The following H2BC12 variants were observed in gnomAD, a reference collection of about 807,000 sequenced individuals.
H2BC12 encodes the protein histone H2B type 1-K.
In H2BC12, 6 loss-of-function variants were observed where a neutral mutation model predicts 6.3. The observed-to-expected ratio is 0.95, with a 90% CI of 0.52 to 1.87. The LOEUF (loss-of-function observed/expected upper bound fraction) is 1.87. H2BC12 is among the 40% of genes most tolerant of loss of function. H2BC12 has a pLI of 0.01. For missense variants in H2BC12, 119 were observed against 178.4 expected (o/e 0.67, Z 1.90); for synonymous variants, 132 against 78.5 (o/e 1.68, Z -3.60).
downstream of H2BC12, among the ~76,000 whole-genome samples, chr6:27,143,185 C>T (rs113850979): frequency 2.1e-3 from 321 of 151,998 alleles, no homozygotes; most frequent in African/African-American, 6.2e-3. Context: ...AATCCCATCT[C>T]TACTAAAAAT....
downstream of H2BC12, among the ~76,000 whole-genome samples, chr6:27,143,270 T>C (rs1760029201): frequency 6.6e-6 from 1 of 152,054 alleles, no homozygotes; most frequent in African/African-American, 2.4e-5. Flanking sequence ...GATAATTGCT[T>C]GAACAAAGGA....
downstream of H2BC12, chr6:27,146,340 A>G (rs1760080092): frequency 1.3e-6 from 2 of 1,594,562 alleles, no homozygotes; most frequent in Non-Finnish European, 1.7e-6. Context: ...ACACGTGTTT[A>G]CAGCTCTAAT....
chr6:27,139,304 T>C, the H2BC12 span: 4 of 1,600,202 alleles, frequency 2.5e-6, no homozygotes, highest in Non-Finnish European at 2.6e-6. Flanking sequence ...TCTGACCACT[T>C]GATAATGTCA....
At chr6:27,141,680 G>A (rs1760008816), downstream of H2BC12, among the ~76,000 whole-genome samples, 1 of 152,086 alleles carries the variant, frequency 6.6e-6, no homozygotes. Flanking sequence ...TCAGTTTGTG[G>A]GCCTGAGAAA....
At chr6:27,143,284 A>G (rs1760029332), downstream of H2BC12, among the ~76,000 whole-genome samples, 1 of 152,032 alleles carries the variant, frequency 6.6e-6, no homozygotes, top group South Asian at 2.1e-4. Flanking sequence ...CAAAGGAGAC[A>G]GAGGTTGCAG....
chr6:27,144,077 C>T (rs1760039354), downstream of H2BC12, among the ~76,000 whole-genome samples: 1 of 152,054 alleles, frequency 6.6e-6, no homozygotes, highest in Non-Finnish European at 1.5e-5. Context: ...TGTTCTGAGT[C>T]TAATGATTTG....
At chr6:27,143,570 T>C (rs1760033233), downstream of H2BC12, among the ~76,000 whole-genome samples, 1 of 151,352 alleles carries the variant, frequency 6.6e-6, no homozygotes, top group Non-Finnish European at 1.5e-5. Context: ...CATGCCATTT[T>C]CTTAGGTCCA....
chr6:27,141,074 T>A, the H2BC12 span, among the ~76,000 whole-genome samples: 1 of 151,916 alleles, frequency 6.6e-6, no homozygotes, highest in African/African-American at 2.4e-5. Flanking sequence ...AAAAAACATT[T>A]AGGCGGCTTA....
Position 27,146,545 on chromosome 6 carries a change from T to C in H2BC12, c.254A>G (p.Asn85Ser). ...AGEASRLAHY[N>S]KRSTITSREI... ...CCTGGAGGTGATGGTCGAGCGCTTG[T>C]TGTAATGCGCCAGGCGGGAAGCCTC... Residue 85 changes from asparagine to serine, a missense_variant, in exon 1 of 1, where the codon AAC becomes AGC. Transcript: ENST00000356950. 1 of 1,614,202 alleles carries C rather than the reference T, an allele frequency of 6.2e-7. No homozygotes were observed. The highest frequency in any genetic ancestry group is 8.5e-7 in the Non-Finnish European group (1 of 1,180,036).
downstream of H2BC12, among the ~76,000 whole-genome samples, chr6:27,146,041 A>C (rs764281303): frequency 3.3e-5 from 5 of 152,180 alleles, no homozygotes; most frequent in South Asian, 2.1e-4. Context: ...CATGGTGGAA[A>C]GTACACGTGA....
the H2BC12 span, among the ~76,000 whole-genome samples, chr6:27,141,090 T>C: frequency 6.6e-6 from 1 of 151,748 alleles, no homozygotes; most frequent in South Asian, 2.1e-4. Flanking sequence ...GCTTATGTCC[T>C]GATTTGGCTT....
chr6:27,139,161 A>G, the H2BC12 span: 1 of 762,180 alleles, frequency 1.3e-6, no homozygotes, highest in Non-Finnish European at 2.1e-6. Context: ...AGAGCACAGC[A>G]GGCCTGTTTC....
chr6:27,139,364 A>AC, the H2BC12 span: 29 of 1,613,998 alleles, frequency 1.8e-5, no homozygotes, highest in Non-Finnish European at 2.3e-5. Context: ...GCCAAGCGCC[A>AC]CCGCAAGGTG....
At chr6:27,138,634 TAAG>T in the H2BC12 span, 3 of 152,236 alleles carry the variant, frequency 2.0e-5, no homozygotes, top group African/African-American at 4.8e-5. Context: ...CTTCTTTTGA[TAAG>T]AAGCTTTCTT....
downstream of H2BC12, among the ~76,000 whole-genome samples, chr6:27,141,530 C>A (rs1307949646): frequency 6.6e-6 from 1 of 152,146 alleles, no homozygotes; most frequent in Non-Finnish European, 1.5e-5. Context: ...CTTAATCACA[C>A]TCTCTTAGTA....
downstream of H2BC12, among the ~76,000 whole-genome samples, chr6:27,145,295 T>TACACACAC (rs57882884): frequency 0.023 from 3,252 of 142,626 alleles, 47 homozygotes; most frequent in African/African-American, 0.035. Flanking sequence ...ATATGTTAAA[T>TACACACAC]ACACACACAC....
At position 27,146,525 on chromosome 6, in the gene H2BC12, A is replaced by C; in HGVS notation, c.274T>G (p.Ser92Ala). ...AHYNKRSTIT[S>A]REIQTAVRLL... ...CGCACGGCCGTCTGGATCTCCCTGG[A>C]GGTGATGGTCGAGCGCTTGTTGTAA... Residue 92 changes from serine (S) to alanine (A), a missense_variant, in exon 1 of 1, where the codon TCC becomes GCC. Physicochemically the swap from Ser to Ala is moderately conservative, Grantham distance 99. Around this residue, in one of 2 missense-constraint regions of H2BC12, gnomAD observed 69 missense variants for 141.0 expected, o/e 0.49. Transcript: ENST00000356950. The C allele has an allele frequency of 6.2e-7, 1 of 1,614,212 alleles. No individual in the cohort carries two copies. The highest frequency in any genetic ancestry group is 8.5e-7 in the Non-Finnish European group (1 of 1,180,036).
chr6:27,145,928 G>A (rs1760070425), downstream of H2BC12, among the ~76,000 whole-genome samples: 1 of 152,170 alleles, frequency 6.6e-6, no homozygotes, highest in Admixed American at 6.5e-5. Context: ...GTACAGCCTA[G>A]AAGAGGTTAA....
the H2BC12 span, chr6:27,139,895 C>T: frequency 1.2e-5 from 6 of 484,554 alleles, no homozygotes; most frequent in South Asian, 1.0e-4. Context: ...GTTTACCGCT[C>T]GGATTAGTTT....
Sources: allele counts gnomAD v4.1 joint callset (sites outside exome capture counted in the v4.1 genomes callset), GRCh38; gene constraint gnomAD v4.1.1; regional missense constraint gnomAD v4.1.1; transcripts MANE v1.5; gene names NCBI Gene and HGNC (gene_info 2026-07-23, HGNC 2026-07-21).